CACUL1: variants seen among roughly 807,000 people sequenced by gnomAD.
CACUL1 encodes the protein CDK2-associated and cullin domain-containing protein 1.
CACUL1 carries 13 observed loss-of-function variants against 45.2 expected under a neutral mutation model. That is an observed-to-expected ratio of 0.29 (90% CI 0.19 to 0.46). The LOEUF (loss-of-function observed/expected upper bound fraction) is 0.46. Among genes scored for constraint, CACUL1 ranks in the 20% least tolerant of loss-of-function variants. The pLI, the probability that CACUL1 is intolerant of heterozygous loss-of-function variation, is 1.00. For missense variants in CACUL1, 421 were observed against 471.4 expected (o/e 0.89, Z 0.99); for synonymous variants, 197 against 174.2 (o/e 1.13, Z -1.03).
At chr10:118,727,049 C>T (rs1564836006) in intron 3 of CACUL1, among the ~76,000 whole-genome samples, 1 of 152,130 alleles carries the variant, frequency 6.6e-6, no homozygotes, top group Admixed American at 6.6e-5. Context: ...ATTCTAAAAA[C>T]AAACTAAATT....
intron 1 of CACUL1, among the ~76,000 whole-genome samples, chr10:118,730,919 C>T (rs1845692064): frequency 6.6e-6 from 1 of 152,182 alleles, no homozygotes; most frequent in South Asian, 2.1e-4. Context: ...TGCTGTAAAA[C>T]TTGCCGAGAT....
intron 1 of CACUL1, among the ~76,000 whole-genome samples, chr10:118,733,515 T>G (rs1845716237): frequency 6.6e-6 from 1 of 152,172 alleles, no homozygotes. Context: ...TCCAGGAAAC[T>G]TCAAGATATT....
rs760744853 is a variant in CACUL1 at position 118,701,308 on chromosome 10, A to G, written c.794T>C (p.Met265Thr). ...HVAEKHIYSLMPLLLEAQSTP... is the reference protein window; with the variant it reads ...HVAEKHIYSLTPLLLEAQSTP... ...CCCGTATAAGCTGAATTACTTACGC[A>G]TTAGGCTGTAAATGTGCTTTTCTGC... The change falls in exon 5 of 9, where the codon ATG (methionine) becomes ACG (threonine). Residue 265 changes from methionine (M) to threonine (T), a missense_variant and splice_region_variant. Coordinates refer to ENST00000369151, the MANE Select transcript of CACUL1 (RefSeq NM_153810.5). The G allele has an allele frequency of 6.5e-7, 1 of 1,527,980 alleles. No homozygotes were observed. The highest frequency in any genetic ancestry group is 9.0e-7 in the Non-Finnish European group (1 of 1,116,162). The allele number at this position is 1,527,980 out of a possible 1,614,324, so 94.7% of individuals were successfully genotyped here. A position where few individuals can be genotyped will look rare whatever the true frequency, so the allele number is the denominator to read the frequency against.
At chr10:118,727,615 C>T (rs553123618) in intron 3 of CACUL1, among the ~76,000 whole-genome samples, 76 of 152,294 alleles carry the variant, frequency 5.0e-4, no homozygotes, top group South Asian at 1.0e-3. Context: ...ACAATTTAGA[C>T]TTAGTAAACG....
rs1845182368 is a variant in CACUL1, at chr10:118,684,069, A to G, written c.*2059T>C. 1 of 152,698 alleles carries G rather than the reference A, an allele frequency of 6.5e-6. No homozygotes were observed. The highest frequency in any genetic ancestry group is 1.5e-5 in the Non-Finnish European group (1 of 68,054). 9.5% of individuals were successfully genotyped at this position (152,698 alleles called of 1,614,324 possible). A position where few individuals can be genotyped will look rare whatever the true frequency, so the allele number is the denominator to read the frequency against. ...TTGCCCACTTTTTATTAATACATAC[A>G]TAGTAAAAAGAATATATTTCTCCAT... is the stretch of plus-strand genomic sequence containing the variant. On this transcript the variant is annotated 3_prime_UTR_variant, in exon 9 of 9. Coordinates refer to ENST00000369151, the MANE Select transcript of CACUL1 (RefSeq NM_153810.5).
At chr10:118,693,072 A>C (rs1845287887) in intron 6 of CACUL1, 1 of 152,362 alleles carries the variant, frequency 6.6e-6, no homozygotes, top group African/African-American at 2.4e-5. Context: ...TGTGTGTATT[A>C]AATGAAAACG....
chr10:118,677,534 C>T lies in CACUL1; in HGVS notation c.*8594G>A, dbSNP rs1220697162. ...AAACTATGTTCCTGAATGTTAATAA[C>T]TGTCTTTCCTTTATAGCTTTACTAC... On this transcript the variant is annotated 3_prime_UTR_variant, in exon 9 of 9. Transcript: ENST00000369151. 6.6e-6 allele frequency: 1 copy of T among 152,196 alleles called. No individual in the cohort carries two copies. The highest frequency in any genetic ancestry group is 6.5e-5 in the Admixed American group (1 of 15,280). 9.4% of individuals were successfully genotyped at this position (152,196 alleles called of 1,614,324 possible). A position where few individuals can be genotyped will look rare whatever the true frequency, so the allele number is the denominator to read the frequency against.
At chr10:118,752,677 T>G (rs1168829055) in intron 1 of CACUL1, among the ~76,000 whole-genome samples, 1 of 152,216 alleles carries the variant, frequency 6.6e-6, no homozygotes, top group Non-Finnish European at 1.5e-5. Context: ...TATTTTCCAG[T>G]GCAACTTGCA....
chr10:118,682,057 A>C lies in CACUL1; in HGVS notation c.*4071T>G, dbSNP rs980109791. On this transcript the variant is annotated 3_prime_UTR_variant, in exon 9 of 9. Coordinates refer to ENST00000369151, the MANE Select transcript of CACUL1 (RefSeq NM_153810.5). ...TTGAAAACAGTAATCACAACCAAAA[A>C]GGTCCTATAAACCTGTAATAGATGT... 2.0e-5 allele frequency: 3 copies of C among 152,358 alleles called. No individual in the cohort carries two copies. The highest frequency in any genetic ancestry group is 2.9e-5 in the Non-Finnish European group (2 of 68,038). 9.4% of individuals were successfully genotyped at this position (152,358 alleles called of 1,614,324 possible). A position where few individuals can be genotyped will look rare whatever the true frequency, so the allele number is the denominator to read the frequency against.
At chr10:118,751,923 T>C (rs566487066) in intron 1 of CACUL1, among the ~76,000 whole-genome samples, 3 of 152,326 alleles carry the variant, frequency 2.0e-5, no homozygotes, top group South Asian at 2.1e-4. Context: ...CTAGAGACTT[T>C]AGAGTTTTGT....
At chr10:118,707,397 A>C (rs1480441683) in intron 4 of CACUL1, 95 bp downstream of exon 4, 1 of 559,268 alleles carries the variant, frequency 1.8e-6, no homozygotes, top group Admixed American at 3.4e-5. Flanking sequence ...CAAATGTAGT[A>C]AAAGAAAAAC....
intron 6 of CACUL1, 193 bp downstream of exon 6, chr10:118,694,948 T>C (rs1020927446): frequency 6.8e-6 from 3 of 440,588 alleles, no homozygotes; most frequent in African/African-American, 3.9e-5. Context: ...CCACACTAGT[T>C]GGTTTCCACT....
chr10:118,722,514 A>G (rs995007057), intron 3 of CACUL1, among the ~76,000 whole-genome samples: 1 of 152,034 alleles, frequency 6.6e-6, no homozygotes, highest in Admixed American at 6.6e-5. Flanking sequence ...GCATATGCAC[A>G]CTGTTGACAC....
chr10:118,717,874 T>C (rs1845562681), intron 3 of CACUL1, among the ~76,000 whole-genome samples: 1 of 152,080 alleles, frequency 6.6e-6, no homozygotes, highest in African/African-American at 2.4e-5. Flanking sequence ...CATAGCAAGA[T>C]GTGCCGGGCT....
intron 1 of CACUL1, among the ~76,000 whole-genome samples, chr10:118,744,901 A>G (rs1845826943): frequency 6.6e-6 from 1 of 151,910 alleles, no homozygotes; most frequent in Non-Finnish European, 1.5e-5. Context: ...TGATTCACCC[A>G]CCTCAGCCTC....
At chr10:118,689,604 T>C (rs942945) in intron 7 of CACUL1, among the ~76,000 whole-genome samples, 114,365 of 152,014 alleles carry the variant, frequency 0.75, 43,182 homozygotes, top group Non-Finnish European at 0.79. Context: ...GTGCCATGTT[T>C]GTCCTTCATG....
intron 8 of CACUL1, 54 bp downstream of exon 8, chr10:118,686,544 A>G: frequency 7.5e-7 from 1 of 1,340,150 alleles, no homozygotes; most frequent in Non-Finnish European, 1.1e-6. Context: ...GTGCATTAAT[A>G]TGGCTGCTTT....
chr10:118,726,293 AG>A, intron 3 of CACUL1: 2 of 1,279,760 alleles, frequency 1.6e-6, no homozygotes, highest in Non-Finnish European at 2.0e-6. Flanking sequence ...TAGAGAGCAC[AG>A]GAGTAGTGGT....
At chr10:118,731,665 G>A (rs1270865009) in intron 1 of CACUL1, among the ~76,000 whole-genome samples, 1 of 152,202 alleles carries the variant, frequency 6.6e-6, no homozygotes, top group African/African-American at 2.4e-5. Context: ...GAGGAAAACA[G>A]ATCAGTGGTC....
Sources: allele counts gnomAD v4.1 joint callset (sites outside exome capture counted in the v4.1 genomes callset), GRCh38; gene constraint gnomAD v4.1.1; transcripts MANE v1.5; gene names NCBI Gene and HGNC (gene_info 2026-07-23, HGNC 2026-07-21).